The following GPATCH11 variants were observed in gnomAD, a reference collection of about 807,000 sequenced individuals.
GPATCH11 encodes G patch domain-containing protein 11.
In GPATCH11, 32 loss-of-function variants were observed where a neutral mutation model predicts 44.8. The ratio of observed to expected loss-of-function variants is 0.71; its 90% CI spans 0.54 to 0.96. GPATCH11 has a LOEUF of 0.96. Ranked by LOEUF, GPATCH11 falls within the 40% of genes least tolerant of loss-of-function variation. The pLI is 0.00. For missense variants in GPATCH11, 324 were observed against 303.1 expected, an observed-to-expected ratio of 1.07 and a Z score of -0.51; for synonymous variants, 84 against 94.4, an observed-to-expected ratio of 0.89 and a Z score of 0.64.
At chr2:37,084,643 C>A in intron 1 of GPATCH11, 73 bp downstream of exon 1, 1 of 1,157,136 alleles carries the variant, frequency 8.6e-7, no homozygotes, top group Non-Finnish European at 1.1e-6. Context: ...CTGGCCATGA[C>A]TACCGTATCA....
At position 37,099,021 on chromosome 2, in the gene GPATCH11, T is replaced by C. The variant is rs760785392; in HGVS notation, c.*2758T>C. The C allele has an allele frequency of 9.9e-5, 15 of 152,230 alleles. No individual in the cohort carries two copies. Among genetic ancestry groups the C allele is most frequent in the Non-Finnish European group, 1.8e-4 (12 of 68,050 alleles). The allele number at this position is 152,230 out of a possible 1,614,324, so 9.4% of individuals were successfully genotyped here. A position where few individuals can be genotyped will look rare whatever the true frequency, so the allele number is the denominator to read the frequency against. On this transcript the variant is annotated 3_prime_UTR_variant, in exon 9 of 9. Coordinates refer to ENST00000674370, the MANE Select transcript of GPATCH11 (RefSeq NM_174931.4). The stretch of plus-strand genomic sequence containing the variant: ...GAATTTTAAAATTTGTTGTAGAACA[T>C]TAATACGAAATTTGAAACTGCAAAA...
chr2:37,091,820 C>A, intron 4 of GPATCH11, 96 bp from the exon 5 acceptor site: 2 of 1,173,534 alleles, frequency 1.7e-6, no homozygotes, highest in Admixed American at 2.5e-5. Flanking sequence ...TGATAGTACT[C>A]AAATGAGAAT....
In GPATCH11 at chr2:37,094,184, G is replaced by A. The variant is rs954555350; in HGVS notation, c.643G>A (p.Glu215Lys). The A allele has an allele frequency of 5.2e-6, 8 of 1,543,836 alleles. No individual in the cohort carries two copies. The African/African-American group carries it at 8.2e-5, about 16-fold the overall frequency. Residue 215 changes from glutamate (E) to lysine (K), a missense_variant, in exon 7 of 9, where the codon GAA becomes AAA. Coordinates refer to ENST00000674370, the MANE Select transcript of GPATCH11 (RefSeq NM_174931.4). ...KEQDEDEYKS[E>K]DLSVLEKLQI... ...ACAGGATGAAGATGAATATAAGAGT[G>A]AAGATTTAAGCGTATGCTTTGCACC...
intron 1 of GPATCH11, among the ~76,000 whole-genome samples, chr2:37,086,826 A>G (rs997777993): frequency 6.6e-6 from 1 of 152,214 alleles, no homozygotes; most frequent in Non-Finnish European, 1.5e-5. Flanking sequence ...ACCATTAAAA[A>G]TTAGTATAGT....
rs1327506087 is a variant in GPATCH11 at position 37,096,772 on chromosome 2, C to T, written c.*509C>T. ...CAGTTAGCTTTCAAGGTCAGGGAAA[C>T]CACCAGGGGCTGGACCACACATGCT... On this transcript the variant is annotated 3_prime_UTR_variant, in exon 9 of 9. Transcript: ENST00000674370. The T allele has an allele frequency of 6.4e-6, 1 of 156,696 alleles. No individual in the cohort carries two copies. Among genetic ancestry groups the T allele is most frequent in the Non-Finnish European group, 1.4e-5 (1 of 71,496 alleles). The allele number at this position is 156,696 out of a possible 1,614,324, so 9.7% of individuals were successfully genotyped here.
At chr2:37,085,151 TAGAA>T (rs1672938233) in intron 1 of GPATCH11, among the ~76,000 whole-genome samples, 2 of 152,340 alleles carry the variant, frequency 1.3e-5, no homozygotes, top group South Asian at 4.1e-4. Context: ...ATTTTACCAA[TAGAA>T]AGAGAGCTTT....
At chr2:37,090,185 A>C (rs1465715319) in intron 3 of GPATCH11, among the ~76,000 whole-genome samples, 1 of 152,236 alleles carries the variant, frequency 6.6e-6, no homozygotes, top group African/African-American at 2.4e-5. Context: ...GGCTAAATAC[A>C]TTGAAACAAC....
At chr2:37,089,477 G>T (rs1330568340) in intron 2 of GPATCH11, among the ~76,000 whole-genome samples, 163 bp from the exon 3 acceptor site, 1 of 151,812 alleles carries the variant, frequency 6.6e-6, no homozygotes, top group African/African-American at 2.4e-5. Flanking sequence ...TGAGGCAAGA[G>T]AATCGGTTGA....
rs769208128 is a variant in GPATCH11, at chr2:37,098,830, G to C, written c.*2567G>C. The C allele has an allele frequency of 2.0e-5, 3 of 152,068 alleles. No individual in the cohort carries two copies. The highest frequency in any genetic ancestry group is 4.4e-5 in the Non-Finnish European group (3 of 68,028). 9.4% of individuals were successfully genotyped at this position (152,068 alleles called of 1,614,324 possible). The stretch of plus-strand genomic sequence containing the variant: ...AGGGGGCTGAGATGGGGAATCCTTT[G>C]AGCCCAGAAGTTTGAAACCAGCCTG... On this transcript the variant is annotated 3_prime_UTR_variant, in exon 9 of 9. Coordinates refer to ENST00000674370, the MANE Select transcript of GPATCH11 (RefSeq NM_174931.4).
At chr2:37,095,617 C>A in intron 8 of GPATCH11, 99 bp downstream of exon 8, 1 of 1,293,564 alleles carries the variant, frequency 7.7e-7, no homozygotes. Flanking sequence ...TTATTCCATT[C>A]AAATGGCAGT....
rs1320413657 is a variant in GPATCH11, at chr2:37,084,533, T to C, written c.-51T>C. On this transcript the variant is annotated 5_prime_UTR_variant, in exon 1 of 9. Transcript: ENST00000674370. The stretch of plus-strand genomic sequence containing the variant: ...CGGTGGGCGCATGCGCAGCGCGCGC[T>C]CTACGGCGCTGAACCGGGGCGAGCA... 4.1e-6 allele frequency: 5 copies of C among 1,232,492 alleles called. No individual in the cohort carries two copies. The East Asian group carries it at 1.3e-4, about 31-fold the overall frequency. 76.3% of individuals were successfully genotyped at this position (1,232,492 alleles called of 1,614,324 possible). A position where few individuals can be genotyped will look rare whatever the true frequency, so the allele number is the denominator to read the frequency against.
chr2:37,088,611 G>C (rs1010231076), intron 2 of GPATCH11, among the ~76,000 whole-genome samples, 171 bp downstream of exon 2: 4 of 152,174 alleles, frequency 2.6e-5, no homozygotes, highest in African/African-American at 9.7e-5. Context: ...AAACTCTCCA[G>C]GCTCAGGAGA....
chr2:37,092,160 A>G lies in GPATCH11; in HGVS notation c.450-5A>G. 5 of 1,553,578 alleles carry G rather than the reference A, an allele frequency of 3.2e-6. No homozygotes were observed. The highest frequency in any genetic ancestry group is 4.3e-6 in the Non-Finnish European group (5 of 1,154,118). On this transcript the variant is annotated splice_region_variant and splice_polypyrimidine_tract_variant and intron_variant, in intron 5 of 8. Transcript: ENST00000674370. ...CTTTAGTTTACAATTTTTTCTTTCA[A>G]TTAGAATGCGACTTAAAAATAAGCA...
intron 1 of GPATCH11, among the ~76,000 whole-genome samples, chr2:37,086,076 T>G: frequency 6.6e-6 from 1 of 152,182 alleles, no homozygotes; most frequent in East Asian, 1.9e-4. Flanking sequence ...AGAGCTGCAG[T>G]TATGACCAAA....
intron 2 of GPATCH11, 147 bp downstream of exon 2, chr2:37,088,587 C>G (rs576078220): frequency 2.3e-5 from 12 of 524,198 alleles, no homozygotes; most frequent in African/African-American, 1.6e-4. Flanking sequence ...ACAATCTTAG[C>G]TCACTGCAGC....
At chr2:37,092,352 TTATA>T (rs202239979) in intron 6 of GPATCH11, 97 bp downstream of exon 6, 7,203 of 192,654 alleles carry the variant, frequency 0.037, 194 homozygotes, top group Non-Finnish European at 0.054. Flanking sequence ...TATATATGTA[TTATA>T]TATATTTATA....
chr2:37,095,340 A>G, intron 7 of GPATCH11, 97 bp from the exon 8 acceptor site: 3 of 1,399,300 alleles, frequency 2.1e-6, no homozygotes, highest in Non-Finnish European at 2.9e-6. Context: ...GTATAGCAGA[A>G]TATTTACAGC....
chr2:37,086,553 G>A (rs1199069250), intron 1 of GPATCH11, among the ~76,000 whole-genome samples: 1 of 152,158 alleles, frequency 6.6e-6, no homozygotes, highest in Non-Finnish European at 1.5e-5. Context: ...CCAGCACTTT[G>A]GGAGACCGAG....
rs199698253 is a variant in GPATCH11 at position 37,092,043 on chromosome 2, C to G, written c.449+7C>G. 2.5e-6 allele frequency: 4 copies of G among 1,612,092 alleles called. No homozygotes were observed. Among genetic ancestry groups the G allele is most frequent in the Non-Finnish European group, 3.4e-6 (4 of 1,178,792 alleles). ...AAGCTGCAGAACAGTTTCGGTAAAA[C>G]TATTTTTGAGCTGGTTTTGGTTCTA... On this transcript the variant is annotated splice_region_variant and intron_variant, in intron 5 of 8. Coordinates refer to ENST00000674370, the MANE Select transcript of GPATCH11 (RefSeq NM_174931.4).
Sources: gnomAD v4.1 joint callset for allele counts (sites outside exome capture counted in the v4.1 genomes callset) on GRCh38, gnomAD v4.1.1 for gene constraint, MANE v1.5 for transcripts, NCBI Gene and HGNC (gene_info 2026-07-23, HGNC 2026-07-21) for gene names.